The following ITPR1 variants were observed in gnomAD, a reference collection of about 807,000 sequenced individuals.
ITPR1 encodes the protein inositol 1,4,5-trisphosphate receptor type 1, also known as inositol 1,4,5-trisphosphate-gated calcium channel ITPR1.
ITPR1 carries 96 observed loss-of-function variants against 318.4 expected under a neutral mutation model. The ratio of observed to expected loss-of-function variants is 0.30; its 90% CI spans 0.26 to 0.36. The LOEUF (loss-of-function observed/expected upper bound fraction) is 0.36, where lower values mean the gene tolerates loss of function less well. Among genes scored for constraint, ITPR1 ranks in the 10% least tolerant of loss-of-function variants. The pLI is 1.00. For missense variants in ITPR1, 2,440 were observed against 3,460.2 expected (o/e 0.71, Z 7.40); for synonymous variants, 1,312 against 1,289.9 (o/e 1.02, Z -0.37).
At chr3:4,666,739 A>G (rs2093955636) in intron 17 of ITPR1, among the ~76,000 whole-genome samples, 1 of 152,230 alleles carries the variant, frequency 6.6e-6, no homozygotes. Flanking sequence ...GCATCTTTGA[A>G]CAGAAACAAA....
chr3:4,798,046 G>C (rs1463015904), intron 53 of ITPR1, among the ~76,000 whole-genome samples: 1 of 152,190 alleles, frequency 6.6e-6, no homozygotes, highest in East Asian at 1.9e-4. Flanking sequence ...ATAGTGAGGA[G>C]ACAGCATTTT....
At chr3:4,660,940 TA>T in intron 13 of ITPR1, 47 bp from the exon 14 acceptor site, 1 of 974,116 alleles carries the variant, frequency 1.0e-6, no homozygotes, top group Non-Finnish European at 1.6e-6. Context: ...GGCTATAGAG[TA>T]AACCTCAATA....
intron 2 of ITPR1, among the ~76,000 whole-genome samples, chr3:4,513,369 C>T (rs1234490557): frequency 6.6e-6 from 1 of 152,210 alleles, no homozygotes; most frequent in Non-Finnish European, 1.5e-5. Context: ...CCAGAGGTTT[C>T]TAGCCAGACC....
At chr3:4,736,169 G>A (rs898717689) in intron 44 of ITPR1, among the ~76,000 whole-genome samples, 4 of 149,896 alleles carry the variant, frequency 2.7e-5, no homozygotes, top group Admixed American at 6.6e-5. Context: ...GTGTATCTAT[G>A]TACAGACTCG....
At chr3:4,540,657 G>A (rs895973164) in intron 4 of ITPR1, among the ~76,000 whole-genome samples, 64 of 151,986 alleles carry the variant, frequency 4.2e-4, no homozygotes, top group Non-Finnish European at 2.8e-4. Context: ...GCTTGATCTC[G>A]GCTTGCTGTA....
chr3:4,686,717 C>G (rs879279571), intron 30 of ITPR1, among the ~76,000 whole-genome samples: 15 of 152,222 alleles, frequency 9.9e-5, no homozygotes, highest in Non-Finnish European at 1.5e-4. Flanking sequence ...CAGGTAATCT[C>G]TTGTGACTTG....
intron 45 of ITPR1, chr3:4,768,266 C>G (rs2045946153): frequency 2.5e-6 from 1 of 397,470 alleles, no homozygotes; most frequent in Non-Finnish European, 4.5e-6. Context: ...TGTGCTGAGG[C>G]TTTTCCTCTG....
intron 4 of ITPR1, among the ~76,000 whole-genome samples, chr3:4,587,420 G>A (rs2090019211): frequency 6.6e-6 from 1 of 152,078 alleles, no homozygotes; most frequent in African/African-American, 2.4e-5. Context: ...ACAGGTGCAT[G>A]CCACCATGCC....
intron 44 of ITPR1, among the ~76,000 whole-genome samples, chr3:4,742,164 A>G (rs987731063): frequency 3.3e-5 from 5 of 152,166 alleles, no homozygotes; most frequent in African/African-American, 1.2e-4. Context: ...GAGAGAGCCT[A>G]TCAACTGCGG....
intron 45 of ITPR1, 67 bp from the exon 46 acceptor site, chr3:4,768,444 C>G (rs1410482854): frequency 7.3e-6 from 11 of 1,507,466 alleles, no homozygotes; most frequent in Non-Finnish European, 9.8e-6. Context: ...CTGAGTGTCA[C>G]CTTTGGAGTG....
intron 61 of ITPR1, 85 bp from the exon 62 acceptor site, chr3:4,846,054 C>A: frequency 1.3e-6 from 1 of 761,466 alleles, no homozygotes; most frequent in Non-Finnish European, 2.1e-6. Flanking sequence ...TAAACCATAA[C>A]CACAGAGGTA....
At position 4,818,207 on chromosome 3, in the gene ITPR1, A is replaced by G; in HGVS notation, c.7993A>G (p.Thr2665Ala). The G allele has an allele frequency of 6.3e-7, 1 of 1,586,774 alleles. No individual in the cohort carries two copies. Among genetic ancestry groups the G allele is most frequent in the Non-Finnish European group, 8.6e-7 (1 of 1,159,026 alleles). ...LVKVKDSTEYTGPESYVAEMI... is the reference protein window; with the variant it reads ...LVKVKDSTEYAGPESYVAEMI... The stretch of plus-strand genomic sequence containing the variant: ...GAAAGTAAAGGACTCCACCGAATAT[A>G]CTGGGCCTGAGAGTTACGTGGCAGA... The change falls in exon 60 of 62, where the codon ACT becomes GCT. Residue 2665 changes from threonine to alanine, a missense_variant. By Grantham distance (58) the Thr-to-Ala change is moderately conservative (BLOSUM62 0). Coordinates refer to ENST00000649015, the MANE Select transcript of ITPR1 (RefSeq NM_001378452.1).
chr3:4,533,096 A>G (rs2083552457), intron 4 of ITPR1, among the ~76,000 whole-genome samples: 1 of 152,202 alleles, frequency 6.6e-6, no homozygotes, highest in Non-Finnish European at 1.5e-5. Context: ...TTGGGTCAAT[A>G]AACAGCTGGG....
intron 2 of ITPR1, among the ~76,000 whole-genome samples, chr3:4,504,883 C>G (rs2081290205): frequency 6.6e-6 from 1 of 152,138 alleles, no homozygotes; most frequent in Non-Finnish European, 1.5e-5. Context: ...GACTTGTGCT[C>G]ACTCTGTAGG....
At chr3:4,802,814 A>G (rs1165439339) in intron 54 of ITPR1, among the ~76,000 whole-genome samples, 1 of 151,696 alleles carries the variant, frequency 6.6e-6, no homozygotes, top group Non-Finnish European at 1.5e-5. Context: ...GGGTGACAGA[A>G]TGAGACTGAT....
At chr3:4,810,731 G>A (rs556236881) in intron 55 of ITPR1, among the ~76,000 whole-genome samples, 2 of 152,174 alleles carry the variant, frequency 1.3e-5, no homozygotes, top group African/African-American at 4.8e-5. Flanking sequence ...GACTCAGAGG[G>A]GATGAGGAAA....
At chr3:4,734,506 AT>A (rs1255993895) in intron 43 of ITPR1, among the ~76,000 whole-genome samples, 1 of 152,244 alleles carries the variant, frequency 6.6e-6, no homozygotes, top group Non-Finnish European at 1.5e-5. Flanking sequence ...CCATTTCTCC[AT>A]GTGCGTTCAT....
intron 60 of ITPR1, among the ~76,000 whole-genome samples, chr3:4,830,599 ATC>A (rs1280089852): frequency 1.3e-5 from 2 of 152,106 alleles, no homozygotes; most frequent in Non-Finnish European, 2.9e-5. Context: ...GGGAGGCCAA[ATC>A]TCTGTTTCCA....
chr3:4,677,465 A>C (rs111424447), intron 24 of ITPR1, among the ~76,000 whole-genome samples: 4 of 152,182 alleles, frequency 2.6e-5, no homozygotes, highest in Non-Finnish European at 5.9e-5. Context: ...ACATGATTAC[A>C]CACCTGAATG....
Sources: allele counts gnomAD v4.1 joint callset (sites outside exome capture counted in the v4.1 genomes callset), GRCh38; gene constraint gnomAD v4.1.1; transcripts MANE v1.5; gene names NCBI Gene and HGNC (gene_info 2026-07-23, HGNC 2026-07-21).